The following MLXIPL variants were observed in gnomAD, a reference collection of about 807,000 sequenced individuals.
The protein encoded by MLXIPL is MLX interacting protein like, also known as carbohydrate-responsive element-binding protein.
In MLXIPL, 49 loss-of-function variants were observed where a neutral mutation model predicts 81.5. The observed-to-expected ratio is 0.60, with a 90% CI of 0.48 to 0.76. MLXIPL has a LOEUF of 0.76. MLXIPL is among the 30% of genes least tolerant of loss of function. The pLI, the probability that MLXIPL is intolerant of heterozygous loss-of-function variation, is 0.00. For missense variants in MLXIPL, 1,053 were observed against 1,167.0 expected, an observed-to-expected ratio of 0.90 and a Z score of 1.42; for synonymous variants, 466 against 485.5, an observed-to-expected ratio of 0.96 and a Z score of 0.53.
At chr7:73,607,063 C>T (rs782599012) in intron 4 of MLXIPL, 45 bp from the exon 5 acceptor site, 3 of 1,603,714 alleles carry the variant, frequency 1.9e-6, no homozygotes, top group African/African-American at 1.3e-5. Flanking sequence ...TTGCCCCATC[C>T]TCCATCACTT....
the MLXIPL span, among the ~76,000 whole-genome samples, chr7:73,631,919 C>T: frequency 2.3e-5 from 3 of 131,386 alleles, no homozygotes; most frequent in Admixed American, 1.5e-4. Context: ...TTTCTTTCCC[C>T]TCCCTCCCCT....
intron 2 of MLXIPL, among the ~76,000 whole-genome samples, chr7:73,609,093 G>A (rs1274166954): frequency 6.6e-6 from 1 of 152,068 alleles, no homozygotes; most frequent in Non-Finnish European, 1.5e-5. Flanking sequence ...ACAGGCGTGA[G>A]CCACTGTGCC....
In MLXIPL at chr7:73,599,651, T is replaced by C. The variant is rs781956112; in HGVS notation, c.946A>G (p.Asn316Asp). 1.9e-6 allele frequency: 3 copies of C among 1,608,560 alleles called. No individual in the cohort carries two copies. The highest frequency in any genetic ancestry group is 2.2e-5 in the East Asian group (1 of 44,706). ...SRLPQPPMPS[N>D]FPEPPSFSPV... ...CTGAAGCTGGGGGGCTCTGGGAAGT[T>C]TGAAGGCATGGGCGGCTGTGGGAGG... Residue 316 changes from asparagine to aspartate, a missense_variant, in exon 8 of 17, where the codon AAC becomes GAC. Asn to Asp is a conservative substitution (Grantham distance 23). Around this residue, in one of 3 missense-constraint regions of MLXIPL, gnomAD observed 823 missense variants for 933.0 expected, o/e 0.88. Transcript: ENST00000313375.
chr7:73,608,736 T>C (rs1554599069), intron 2 of MLXIPL, among the ~76,000 whole-genome samples: 4 of 152,174 alleles, frequency 2.6e-5, no homozygotes. Context: ...ATGTGTCCTC[T>C]TCCAGGCCTC....
At position 73,593,675 on chromosome 7, in the gene MLXIPL, G is replaced by A; in HGVS notation, c.*190C>T. The A allele has an allele frequency of 1.7e-6, 1 of 604,010 alleles. No homozygotes were observed. The highest frequency in any genetic ancestry group is 3.0e-6 in the Non-Finnish European group (1 of 332,922). 37.4% of individuals were successfully genotyped at this position (604,010 alleles called of 1,614,324 possible). ...TGCTGGAGCACAGTGGCAGAGCAGG[G>A]ACGGGGACTCTGCTCTTCTTGACCT... On this transcript the variant is annotated 3_prime_UTR_variant, in exon 17 of 17. Coordinates refer to ENST00000313375, the MANE Select transcript of MLXIPL (RefSeq NM_032951.3).
chr7:73,624,049 A>G, intron 1 of MLXIPL, 151 bp downstream of exon 1: 1 of 1,092,326 alleles, frequency 9.2e-7, no homozygotes. Context: ...GCTGGGAGAA[A>G]GGGGGTGTCC....
chr7:73,602,747 A>G (rs559173559), intron 7 of MLXIPL, among the ~76,000 whole-genome samples: 1 of 152,284 alleles, frequency 6.6e-6, no homozygotes, highest in Admixed American at 6.5e-5. Flanking sequence ...CAGGGTCCAC[A>G]GTTCCTGTCA....
chr7:73,602,042 A>C (rs1212747215), intron 7 of MLXIPL, among the ~76,000 whole-genome samples: 1 of 150,202 alleles, frequency 6.7e-6, no homozygotes, highest in Admixed American at 6.6e-5. Context: ...GTCTAACCTC[A>C]TGGCAAAACG....
chr7:73,605,956 G>C lies in MLXIPL; in HGVS notation c.774C>G (p.Thr258=). The C allele has an allele frequency of 6.3e-7, 1 of 1,596,820 alleles. No individual in the cohort carries two copies. Among genetic ancestry groups the C allele is most frequent in the Non-Finnish European group, 8.5e-7 (1 of 1,171,652 alleles). Residue 258 remains threonine, a synonymous_variant, in exon 6 of 17, where the codon ACC becomes ACG. Coordinates refer to ENST00000313375, the MANE Select transcript of MLXIPL (RefSeq NM_032951.3). ...GGGGCGAAGGGCCGGACTGAGTCAT[G>C]GTGAAGAGAGTGTCTGAGATGTCGG... ...FLSDISDTLF[T]MTQSGPSPLQ... is the part of the protein sequence containing the mutation.
At position 73,596,365 on chromosome 7, in the gene MLXIPL, T is replaced by G. The variant is rs144024831; in HGVS notation, c.1937A>C (p.Lys646Thr). Residue 646 changes from lysine to threonine, a missense_variant and splice_region_variant, in exon 12 of 17, where the codon AAG (lysine) becomes ACG (threonine). Lys to Thr is a moderately conservative substitution (Grantham distance 78). This residue lies in a region of MLXIPL where 823 missense variants were observed against 933.0 expected (regional missense o/e 0.88). Transcript: ENST00000313375. This position sits in a 1 kb window ranked among gnomAD's most constrained non-coding sequence, Gnocchi z 4.7. ...CTTGGGGTGGGGGATGGTGCCCACC[T>G]TGTTGCTGTCTGGACGGCCCCGGCT... is the stretch of plus-strand genomic sequence containing the variant. ...ILSRGRPDSN[K>T]TENRRITHIS... 27 of 1,612,976 alleles carry G rather than the reference T, an allele frequency of 1.7e-5. No individual in the cohort carries two copies. Among genetic ancestry groups the G allele is most frequent in the Non-Finnish European group, 2.0e-5 (24 of 1,179,882 alleles).
the MLXIPL span, among the ~76,000 whole-genome samples, chr7:73,634,384 A>G: frequency 6.6e-6 from 1 of 151,944 alleles, no homozygotes; most frequent in Admixed American, 6.6e-5. Context: ...ATAAATAATT[A>G]TTTACTTTAA....
chr7:73,627,072 C>T (rs1326375013), upstream of MLXIPL, among the ~76,000 whole-genome samples: 2 of 152,128 alleles, frequency 1.3e-5, no homozygotes, highest in Non-Finnish European at 2.9e-5. Context: ...CAAATGTTCG[C>T]ATCACATTCC....
At chr7:73,638,918 TTTAAGTCTTTCA>T in the MLXIPL span, among the ~76,000 whole-genome samples, 2 of 151,910 alleles carry the variant, frequency 1.3e-5, no homozygotes, top group African/African-American at 4.8e-5. Context: ...CTGGGGCTCA[TTTAAGTCTTTCA>T]TTCCCAACCC....
chr7:73,645,947 G>A, the MLXIPL span, among the ~76,000 whole-genome samples: 1 of 152,158 alleles, frequency 6.6e-6, no homozygotes, highest in Non-Finnish European at 1.5e-5. Flanking sequence ...CTTGTGCAGT[G>A]CCTGGCTTGC....
chr7:73,626,314 A>T (rs73137074), upstream of MLXIPL, among the ~76,000 whole-genome samples: 1 of 134,212 alleles, frequency 7.5e-6, no homozygotes, highest in Non-Finnish European at 1.6e-5. Flanking sequence ...CTATTTATAT[A>T]TTTTTAGAGA....
the MLXIPL span, among the ~76,000 whole-genome samples, chr7:73,640,989 C>A: frequency 9.2e-5 from 14 of 152,030 alleles, no homozygotes; most frequent in South Asian, 1.0e-3. Context: ...CACTCACAAT[C>A]TCATTCTGAG....
the MLXIPL span, among the ~76,000 whole-genome samples, chr7:73,637,794 A>C: frequency 6.6e-6 from 1 of 152,182 alleles, no homozygotes; most frequent in South Asian, 2.1e-4. Context: ...CAGGAGAGGA[A>C]GAGAGAAGTA....
At chr7:73,604,045 G>A (rs908168735) in intron 7 of MLXIPL, among the ~76,000 whole-genome samples, 4 of 151,450 alleles carry the variant, frequency 2.6e-5, no homozygotes, top group Non-Finnish European at 5.9e-5. Context: ...GCAAAACCCC[G>A]TCTCTACTAA....
chr7:73,635,830 C>T, the MLXIPL span, among the ~76,000 whole-genome samples: 3 of 152,192 alleles, frequency 2.0e-5, no homozygotes, highest in African/African-American at 7.2e-5. Flanking sequence ...ATTCATCCAA[C>T]CATCCACTCA....
Sources: gnomAD v4.1 joint callset for allele counts (sites outside exome capture counted in the v4.1 genomes callset) on GRCh38, gnomAD v4.1.1 for gene constraint, gnomAD v4.1.1 regional missense constraint, Gnocchi (gnomAD v3.1) non-coding constraint, MANE v1.5 for transcripts, NCBI Gene and HGNC (gene_info 2026-07-23, HGNC 2026-07-21) for gene names.